Variants in LYPLAL1 observed in about 807,000 individuals in gnomAD.
The protein encoded by LYPLAL1 is lysophospholipase like 1, also known as lysophospholipase-like protein 1.
In LYPLAL1, 23 loss-of-function variants were observed where a neutral mutation model predicts 19.7. That is an observed-to-expected ratio of 1.17 (90% CI 0.84 to 1.65). The LOEUF (loss-of-function observed/expected upper bound fraction) is 1.65. Ranked by LOEUF, LYPLAL1 falls within the 40% of genes most tolerant of loss-of-function variation. The pLI is 0.00. For missense variants in LYPLAL1, 355 were observed against 279.4 expected, an observed-to-expected ratio of 1.27 and a Z score of -1.93; for synonymous variants, 119 against 96.3, an observed-to-expected ratio of 1.24 and a Z score of -1.38.
intron 2 of LYPLAL1, among the ~76,000 whole-genome samples, chr1:219,184,842 G>A (rs1388101028): frequency 6.6e-6 from 1 of 151,652 alleles, no homozygotes; most frequent in East Asian, 1.9e-4. Context: ...TAATACTTTG[G>A]TAAAGAATTT....
At chr1:219,437,640 G>T in the LYPLAL1 span, among the ~76,000 whole-genome samples, 1 of 151,916 alleles carries the variant, frequency 6.6e-6, no homozygotes, top group South Asian at 2.1e-4. Context: ...ATTTTATCTT[G>T]CCCCCTTTGG....
chr1:219,417,530 A>G, the LYPLAL1 span, among the ~76,000 whole-genome samples: 1 of 152,250 alleles, frequency 6.6e-6, no homozygotes, highest in Non-Finnish European at 1.5e-5. Context: ...GGCAGATGTT[A>G]TGGATGAGAA....
At chr1:219,356,914 A>C in the LYPLAL1 span, among the ~76,000 whole-genome samples, 1 of 152,210 alleles carries the variant, frequency 6.6e-6, no homozygotes, top group Non-Finnish European at 1.5e-5. Context: ...TCATTGAATT[A>C]AGCAGCAATT....
At chr1:219,443,845 G>A in the LYPLAL1 span, among the ~76,000 whole-genome samples, 1 of 152,120 alleles carries the variant, frequency 6.6e-6, no homozygotes, top group Non-Finnish European at 1.5e-5. Flanking sequence ...AAGCTCAAGG[G>A]GCCAGAGCCA....
the LYPLAL1 span, among the ~76,000 whole-genome samples, chr1:219,362,278 A>G: frequency 6.6e-6 from 1 of 152,260 alleles, no homozygotes; most frequent in South Asian, 2.1e-4. Context: ...GATTTCTGCC[A>G]TTTACTAATT....
the LYPLAL1 span, among the ~76,000 whole-genome samples, chr1:219,381,803 G>T: frequency 1.8e-4 from 28 of 152,236 alleles, no homozygotes; most frequent in East Asian, 5.4e-3. Context: ...TGATACTAAA[G>T]ATACAAAAAA....
chr1:219,236,953 T>G, the LYPLAL1 span, among the ~76,000 whole-genome samples: 1 of 151,582 alleles, frequency 6.6e-6, no homozygotes, highest in Non-Finnish European at 1.5e-5. Context: ...CCCCTCCCTG[T>G]GTCCATGTGT....
chr1:219,298,603 AT>A, the LYPLAL1 span, among the ~76,000 whole-genome samples: 1 of 152,194 alleles, frequency 6.6e-6, no homozygotes. Flanking sequence ...CAACAGGCAA[AT>A]TAGGGAACAT....
the LYPLAL1 span, among the ~76,000 whole-genome samples, chr1:219,352,881 T>C: frequency 6.6e-6 from 1 of 152,228 alleles, no homozygotes; most frequent in Non-Finnish European, 1.5e-5. Context: ...CTGATTCTTC[T>C]CAAATAAAAT....
the LYPLAL1 span, among the ~76,000 whole-genome samples, chr1:219,361,109 A>G: frequency 6.6e-6 from 1 of 152,226 alleles, no homozygotes; most frequent in Non-Finnish European, 1.5e-5. Context: ...TTGCATGTGC[A>G]CACAGGAGTG....
At chr1:219,323,443 A>C in the LYPLAL1 span, among the ~76,000 whole-genome samples, 1 of 152,150 alleles carries the variant, frequency 6.6e-6, no homozygotes, top group South Asian at 2.1e-4. Context: ...CAAATAGGGA[A>C]GCAGTAGGGT....
chr1:219,296,222 GT>G, the LYPLAL1 span, among the ~76,000 whole-genome samples: 4 of 152,106 alleles, frequency 2.6e-5, no homozygotes, highest in South Asian at 8.3e-4. Context: ...CATATAAACA[GT>G]TATTTCTAGA....
Position 219,193,168 on chromosome 1 carries a change from C to A in LYPLAL1, c.278C>A (p.Ser93Ter). The A allele has an allele frequency of 2.5e-6, 4 of 1,609,314 alleles. No individual in the cohort carries two copies. Among genetic ancestry groups the A allele is most frequent in the Non-Finnish European group, 3.4e-6 (4 of 1,177,070 alleles). Residue 93 changes from serine (S) to a stop codon, truncating the protein, a stop_gained, in exon 3 of 5, where the codon TCA becomes TAA. Transcript: ENST00000366928. LOFTEE classifies it high-confidence loss of function. ...ITNDCPEHLE[S>*]IDVMCQVLTD... is the part of the protein sequence containing the mutation. ...AATGACTGCCCAGAACACCTTGAAT[C>A]AATTGATGTCATGTGTCAAGTGCTT... is the stretch of plus-strand genomic sequence containing the variant.
the LYPLAL1 span, among the ~76,000 whole-genome samples, chr1:219,269,726 CT>C: frequency 6.6e-6 from 1 of 152,148 alleles, no homozygotes; most frequent in African/African-American, 2.4e-5. Flanking sequence ...AATCAATGAA[CT>C]GAATTTTTAT....
chr1:219,332,819 T>C, the LYPLAL1 span, among the ~76,000 whole-genome samples: 2 of 81,598 alleles, frequency 2.5e-5, no homozygotes, highest in African/African-American at 1.0e-4. Flanking sequence ...TAGCTGATTT[T>C]CTGCCCCCCC....
At chr1:219,376,677 A>G in the LYPLAL1 span, among the ~76,000 whole-genome samples, 1 of 152,354 alleles carries the variant, frequency 6.6e-6, no homozygotes, top group South Asian at 2.1e-4. Context: ...TTCTCTAAAA[A>G]ATACATGCAA....
At chr1:219,238,304 ATTTTTTTTTTT>A in the LYPLAL1 span, among the ~76,000 whole-genome samples, 9 of 81,904 alleles carry the variant, frequency 1.1e-4, no homozygotes, top group African/African-American at 1.7e-4. Flanking sequence ...CGCCCGGCTA[ATTTTTTTTTTT>A]TTTTTTTTTT....
rs1425380189 is a variant in LYPLAL1 at position 219,211,714 on chromosome 1, G to A, written c.700G>A (p.Glu234Lys). The A allele has an allele frequency of 3.8e-6, 6 of 1,598,072 alleles. No individual in the cohort carries two copies. Among genetic ancestry groups the A allele is most frequent in the Admixed American group, 3.5e-5 (2 of 57,050 alleles). ...WILTKLPGEM[E>K]KQK ...TCTTACAAAGCTGCCAGGAGAAATGGAAAAACAAAAATGAATGAATCAAGA... is the reference window on the plus strand; with the variant it reads ...TCTTACAAAGCTGCCAGGAGAAATGAAAAAACAAAAATGAATGAATCAAGA... The change falls in exon 5 of 5, where the codon GAA becomes AAA. Residue 234 changes from glutamate (E) to lysine (K), a missense_variant. Glu to Lys is a moderately conservative substitution (Grantham distance 56, BLOSUM62 1). Transcript: ENST00000366928.
the LYPLAL1 span, among the ~76,000 whole-genome samples, chr1:219,376,261 G>GT: frequency 0.99 from 151,399 of 152,304 alleles, 75,261 homozygotes; most frequent in Middle Eastern, 1. Context: ...AACAAATGGT[G>GT]TTTAAAAACT....
Sources: allele counts gnomAD v4.1 joint callset (sites outside exome capture counted in the v4.1 genomes callset), GRCh38; gene constraint gnomAD v4.1.1; transcripts MANE v1.5; gene names NCBI Gene and HGNC (gene_info 2026-07-23, HGNC 2026-07-21).